The following ARB2A variants were observed in gnomAD, a reference collection of about 807,000 sequenced individuals.
ARB2A encodes cotranscriptional regulator ARB2A.
At chr5:93,820,483 C>CA in the ARB2A span, among the ~76,000 whole-genome samples, 257 of 152,090 alleles carry the variant, frequency 1.7e-3, no homozygotes, top group African/African-American at 5.0e-3. Context: ...AGTTAATTTT[C>CA]AAAAAATGAG....
At chr5:93,641,150 A>G in the ARB2A span, among the ~76,000 whole-genome samples, 1 of 151,950 alleles carries the variant, frequency 6.6e-6, no homozygotes, top group East Asian at 1.9e-4. Context: ...CAGTGAGCCT[A>G]GATCGCACCA....
chr5:93,856,809 GTTCCGTTACTGGTGAGGAAC>G, the ARB2A span, among the ~76,000 whole-genome samples: 1 of 152,112 alleles, frequency 6.6e-6, no homozygotes, highest in East Asian at 1.9e-4. Context: ...GTCCAGCTTT[GTTCCGTTACTGGTGAGGAAC>G]TGCGTTCCTT....
the ARB2A span, among the ~76,000 whole-genome samples, chr5:93,814,151 C>T: frequency 1.3e-5 from 2 of 152,138 alleles, no homozygotes; most frequent in Non-Finnish European, 2.9e-5. Context: ...TCAGGCCTTA[C>T]TTTCTTCATT....
chr5:93,774,956 T>A, the ARB2A span, among the ~76,000 whole-genome samples: 1 of 152,206 alleles, frequency 6.6e-6, no homozygotes, highest in East Asian at 1.9e-4. Flanking sequence ...TGACTTCACA[T>A]TATATAACTA....
chr5:93,805,875 G>A, the ARB2A span: 16 of 984,974 alleles, frequency 1.6e-5, no homozygotes, highest in East Asian at 5.7e-4. Context: ...ATAGCTAAGC[G>A]AAAGCACTTC....
chr5:93,762,809 G>C, the ARB2A span, among the ~76,000 whole-genome samples: 3 of 152,138 alleles, frequency 2.0e-5, no homozygotes, highest in Non-Finnish European at 4.4e-5. Flanking sequence ...GAGAAAGGGT[G>C]GGTTACCCAC....
At chr5:93,841,348 C>T in the ARB2A span, among the ~76,000 whole-genome samples, 19 of 152,256 alleles carry the variant, frequency 1.2e-4, no homozygotes, top group African/African-American at 4.3e-4. Flanking sequence ...AAATAATACA[C>T]TATTAACAAC....
At chr5:93,946,832 G>A in the ARB2A span, among the ~76,000 whole-genome samples, 4 of 151,816 alleles carry the variant, frequency 2.6e-5, no homozygotes, top group African/African-American at 9.7e-5. Flanking sequence ...CATTTATCTT[G>A]CCTTAGATAT....
At chr5:94,046,994 C>A in the ARB2A span, among the ~76,000 whole-genome samples, 1 of 151,836 alleles carries the variant, frequency 6.6e-6, no homozygotes, top group East Asian at 1.9e-4. Context: ...AACAAGTATT[C>A]CAAACATGAC....
At chr5:93,904,783 A>C in the ARB2A span, among the ~76,000 whole-genome samples, 1 of 151,754 alleles carries the variant, frequency 6.6e-6, no homozygotes, top group Admixed American at 6.6e-5. Context: ...TTGAACTCTT[A>C]TAAGAGATTC....
At chr5:93,988,813 C>T in the ARB2A span, among the ~76,000 whole-genome samples, 73 of 152,242 alleles carry the variant, frequency 4.8e-4, no homozygotes, top group Middle Eastern at 0.01. Context: ...AAGTAAAGGT[C>T]CTTCCAGGAA....
chr5:93,828,107 G>T, the ARB2A span, among the ~76,000 whole-genome samples: 1 of 152,034 alleles, frequency 6.6e-6, no homozygotes, highest in East Asian at 1.9e-4. Context: ...CTTTAAAGTA[G>T]TTTTTTTCCA....
At chr5:93,762,925 C>G in the ARB2A span, among the ~76,000 whole-genome samples, 1 of 152,098 alleles carries the variant, frequency 6.6e-6, no homozygotes, top group African/African-American at 2.4e-5. Flanking sequence ...GAATTTTCAA[C>G]CCAGAATTTC....
chr5:93,911,294 C>A, the ARB2A span, among the ~76,000 whole-genome samples: 1 of 151,578 alleles, frequency 6.6e-6, no homozygotes, highest in Non-Finnish European at 1.5e-5. Flanking sequence ...TTCAATTAGA[C>A]CCTTGCGATT....
the ARB2A span, among the ~76,000 whole-genome samples, chr5:93,766,152 CA>C: frequency 7.0e-4 from 107 of 152,034 alleles, no homozygotes; most frequent in Non-Finnish European, 1.4e-3. Flanking sequence ...TCTAAAACAC[CA>C]AAAGCAATGG....
chr5:93,634,935 C>G, the ARB2A span, among the ~76,000 whole-genome samples: 2 of 151,982 alleles, frequency 1.3e-5, no homozygotes, highest in African/African-American at 4.8e-5. Context: ...CCACCACGCC[C>G]GGCTAATTTT....
At chr5:93,720,966 GA>G in the ARB2A span, among the ~76,000 whole-genome samples, 1 of 151,994 alleles carries the variant, frequency 6.6e-6, no homozygotes, top group Non-Finnish European at 1.5e-5. Context: ...TAAAATGGAT[GA>G]AAAACATTAT....
At chr5:93,916,700 T>C in the ARB2A span, among the ~76,000 whole-genome samples, 2 of 152,090 alleles carry the variant, frequency 1.3e-5, no homozygotes, top group East Asian at 1.9e-4. Flanking sequence ...CCCTAAACTA[T>C]GTACTTTCCT....
the ARB2A span, among the ~76,000 whole-genome samples, chr5:93,972,787 T>C: frequency 1.3e-5 from 2 of 152,040 alleles, no homozygotes; most frequent in Non-Finnish European, 2.9e-5. Context: ...AAAAATTCAC[T>C]ACAGGGGGCT....
Sources: allele counts gnomAD v4.1 joint callset (sites outside exome capture counted in the v4.1 genomes callset), GRCh38; gene constraint gnomAD v4.1.1; transcripts MANE v1.5; gene names NCBI Gene and HGNC (gene_info 2026-07-23, HGNC 2026-07-21).